ANO1: variants seen among roughly 807,000 people sequenced by gnomAD.
The protein encoded by ANO1 is anoctamin-1.
ANO1 carries 59 observed loss-of-function variants against 124.0 expected under a neutral mutation model. That is an observed-to-expected ratio of 0.48 (90% CI 0.39 to 0.59). The LOEUF (loss-of-function observed/expected upper bound fraction) is 0.59, where lower values mean the gene tolerates loss of function less well. Ranked by LOEUF, ANO1 falls within the 20% of genes least tolerant of loss-of-function variation. ANO1 has a pLI of 0.00. For missense variants in ANO1, 1,059 were observed against 1,328.0 expected (o/e 0.80, Z 3.15); for synonymous variants, 529 against 532.0 (o/e 0.99, Z 0.08).
In ANO1 at chr11:70,163,323, T is replaced by TGGAAAGTA; in HGVS notation, c.1933_1934insGGAAAGTA (p.Ser645TrpfsTer16). On this transcript the variant is annotated frameshift_variant, in exon 19 of 26. Transcript: ENST00000355303. LOFTEE classifies it high-confidence loss of function. ...GGGCGACTACGTGTACATTTTCCGT[T>TGGAAAGTA]CCTTCCGAATGGAAGAGGTAACCGA... 6.2e-7 allele frequency: 1 copy of TGGAAAGTA among 1,614,032 alleles called. No individual in the cohort carries two copies. The highest frequency in any genetic ancestry group is 8.5e-7 in the Non-Finnish European group (1 of 1,179,902).
intron 3 of ANO1, 91 bp downstream of exon 3, chr11:70,103,255 T>A: frequency 6.7e-6 from 7 of 1,040,798 alleles, no homozygotes; most frequent in Non-Finnish European, 8.3e-6. Context: ...CTCGAGGCCC[T>A]GAGTTTTATA....
At chr11:70,084,474 T>C (rs1490151712) in intron 1 of ANO1, among the ~76,000 whole-genome samples, 1 of 152,178 alleles carries the variant, frequency 6.6e-6, no homozygotes, top group Non-Finnish European at 1.5e-5. Context: ...GTGCTGAGCT[T>C]AGCAGAGACC....
intron 18 of ANO1, 84 bp downstream of exon 18, chr11:70,161,817 T>A: frequency 7.3e-7 from 1 of 1,368,080 alleles, no homozygotes; most frequent in Non-Finnish European, 1.0e-6. Flanking sequence ...TGGGGGCACC[T>A]GGAGCCCAGG....
chr11:70,065,573 C>A (rs1266679259), intron 1 of ANO1, among the ~76,000 whole-genome samples: 1 of 151,756 alleles, frequency 6.6e-6, no homozygotes, highest in Non-Finnish European at 1.5e-5. Context: ...TGCCCTTGTC[C>A]CCCGTCGTCC....
At chr11:70,010,175 G>GTATATATATATA (rs1565159727) in intron 1 of ANO1, among the ~76,000 whole-genome samples, 5 of 49,330 alleles carry the variant, frequency 1.0e-4, no homozygotes, top group African/African-American at 2.4e-4. Context: ...GCGCGTGTGT[G>GTATATATATATA]TGTGTATATA....
Position 70,022,035 on chromosome 11 carries a change from G to A in ANO1, c.58+35869G>A, listed in dbSNP as rs149193764. The stretch of plus-strand genomic sequence containing the variant: ...TGAGAGAGTCCTGCTTCTCCCTGGG[G>A]TTGGGCCCCTTCCCTCCTTGCTCCA... On this transcript the variant is annotated intron_variant, in intron 1 of 27. Transcript: ENST00000531349. 2.0e-4 allele frequency among the ~76,000 whole-genome samples: 31 copies of A among 152,278 alleles called. No individual in the cohort carries two copies. The East Asian group carries it at 3.5e-3, about 17-fold the overall frequency.
chr11:70,177,122 C>T (rs1159003595), intron 22 of ANO1, among the ~76,000 whole-genome samples: 2 of 152,180 alleles, frequency 1.3e-5, no homozygotes, highest in Admixed American at 6.5e-5. Flanking sequence ...GCCGGTTGGG[C>T]GATCACCTGG....
chr11:70,154,010 C>T lies in ANO1; in HGVS notation c.1425+882C>T, dbSNP rs565040793. 2.0e-4 allele frequency among the ~76,000 whole-genome samples: 31 copies of T among 152,134 alleles called. 1 individual carries two copies. Among genetic ancestry groups the T allele is most frequent in the Non-Finnish European group, 3.8e-4 (26 of 68,028 alleles). On this transcript the variant is annotated intron_variant, in intron 14 of 25. Coordinates refer to ENST00000355303, the MANE Select transcript of ANO1 (RefSeq NM_018043.7). ...CGAACTCCTGACCCCAAGAAATCCA[C>T]CCGCCTTGGCCTCCCAAAGTGCTGG...
chr11:70,165,075 C>T (rs114626477), intron 19 of ANO1, among the ~76,000 whole-genome samples: 2,102 of 152,230 alleles, frequency 0.014, 50 homozygotes, highest in African/African-American at 0.046. Context: ...GTGTTCCCTT[C>T]AAGGGTTCTA....
intron 1 of ANO1, among the ~76,000 whole-genome samples, chr11:70,045,827 T>C (rs1168143398): frequency 6.6e-6 from 1 of 152,178 alleles, no homozygotes; most frequent in Non-Finnish European, 1.5e-5. Context: ...TGGACTCATG[T>C]TAGAAAAATT....
At chr11:69,972,163 C>T in the ANO1 span, among the ~76,000 whole-genome samples, 2 of 123,682 alleles carry the variant, frequency 1.6e-5, no homozygotes, top group Non-Finnish European at 3.2e-5. Flanking sequence ...CTCTAGCCTT[C>T]ATGACAGAGC....
At chr11:70,114,153 C>T (rs934351041) in intron 7 of ANO1, among the ~76,000 whole-genome samples, 2 of 152,244 alleles carry the variant, frequency 1.3e-5, no homozygotes, top group African/African-American at 2.4e-5. Context: ...GTGCCTTATG[C>T]AGCCATGTGG....
At chr11:70,067,120 G>GC (rs768378657) in intron 1 of ANO1, among the ~76,000 whole-genome samples, 4 of 152,014 alleles carry the variant, frequency 2.6e-5, no homozygotes, top group Non-Finnish European at 5.9e-5. Flanking sequence ...GTCATGAAGG[G>GC]CCCCCCACAG....
chr11:70,113,500 G>T (rs1372070236), intron 7 of ANO1, among the ~76,000 whole-genome samples: 2 of 152,082 alleles, frequency 1.3e-5, no homozygotes, highest in Non-Finnish European at 2.9e-5. Flanking sequence ...CTTTCCTCCA[G>T]AGGACCCAGC....
chr11:70,009,097 A>G (rs1384692455), intron 1 of ANO1, among the ~76,000 whole-genome samples: 2 of 152,186 alleles, frequency 1.3e-5, no homozygotes, highest in Non-Finnish European at 1.5e-5. Context: ...GGTCATCTGG[A>G]GACAATGGAG....
At chr11:70,148,202 C>A (rs1385792139) in intron 11 of ANO1, among the ~76,000 whole-genome samples, 1 of 152,156 alleles carries the variant, frequency 6.6e-6, no homozygotes, top group Non-Finnish European at 1.5e-5. Flanking sequence ...GTCGCACAGC[C>A]CATTTTATTT....
At chr11:69,982,144 T>A (rs1283147402), upstream of ANO1, among the ~76,000 whole-genome samples, 1 of 151,340 alleles carries the variant, frequency 6.6e-6, no homozygotes, top group African/African-American at 2.4e-5. Flanking sequence ...TGCCACCGAG[T>A]TGAACACTTA....
At chr11:70,022,283 A>C (rs374657178) in intron 1 of ANO1, among the ~76,000 whole-genome samples, 24 of 152,268 alleles carry the variant, frequency 1.6e-4, no homozygotes, top group African/African-American at 5.8e-4. Context: ...GTTCTGGCAC[A>C]CAGTAGGTGC....
At chr11:70,100,500 C>G (rs1252611028) in intron 2 of ANO1, among the ~76,000 whole-genome samples, 2 of 152,198 alleles carry the variant, frequency 1.3e-5, no homozygotes, top group Non-Finnish European at 1.5e-5. Context: ...CCCCCGGAAG[C>G]TGGGAGAGGC....
Sources: allele counts gnomAD v4.1 joint callset (sites outside exome capture counted in the v4.1 genomes callset), GRCh38; gene constraint gnomAD v4.1.1; transcripts MANE v1.5; gene names NCBI Gene and HGNC (gene_info 2026-07-23, HGNC 2026-07-21).